UBE4B: variants seen among roughly 807,000 people sequenced by gnomAD.
UBE4B encodes the protein ubiquitination factor E4B.
In UBE4B, 27 loss-of-function variants were observed where a neutral mutation model predicts 148.1. That is an observed-to-expected ratio of 0.18 (90% confidence interval 0.13 to 0.25). The LOEUF is 0.25. UBE4B is among the 10% of genes least tolerant of loss of function. The pLI is 1.00. For synonymous variants in UBE4B, 596 were observed against 619.3 expected (o/e 0.96, Z 0.56); for missense variants, 1,170 against 1,662.4 (o/e 0.70, Z 5.15).
Position 10,179,304 on chromosome 1 carries a change from C to T in UBE4B, c.3701-112C>T. ...CTAAACCTGGGGGCCTCACAGGGGC[C>T]CTTTGATTGCTGTTCCTTTGGATAG... On this transcript the variant is annotated intron_variant, in intron 26 of 27. Coordinates refer to ENST00000343090, the MANE Select transcript of UBE4B (RefSeq NM_001105562.3). 3 of 1,387,810 alleles carry T rather than the reference C, an allele frequency of 2.2e-6. No homozygotes were observed. The East Asian group carries it at 7.0e-5, about 32-fold the overall frequency. 86.0% of individuals were successfully genotyped at this position (1,387,810 alleles called of 1,614,324 possible). A position where few individuals can be genotyped will look rare whatever the true frequency, so the allele number is the denominator to read the frequency against.
intron 23 of UBE4B, among the ~76,000 whole-genome samples, chr1:10,167,626 C>T (rs1454687586): frequency 3.8e-5 from 5 of 132,236 alleles, no homozygotes; most frequent in East Asian, 4.6e-4. Context: ...CGGAGTCTCA[C>T]TCTGTCACTA....
chr1:10,071,886 G>A (rs889387758), intron 1 of UBE4B, 142 bp from the exon 2 acceptor site: 35 of 791,646 alleles, frequency 4.4e-5, no homozygotes, highest in Admixed American at 7.8e-5. Context: ...CTGGTAGAGC[G>A]AGTTATTCTC....
At chr1:10,047,488 CTTTTTTTTTTT>C (rs952378949) in intron 1 of UBE4B, among the ~76,000 whole-genome samples, 2 of 116,028 alleles carry the variant, frequency 1.7e-5, no homozygotes, top group East Asian at 2.6e-4. Flanking sequence ...CTTCATATAT[CTTTTTTTTTTT>C]TTTTTTTTTT....
At chr1:10,072,323 T>G in intron 2 of UBE4B, 109 bp downstream of exon 2, 1 of 1,297,268 alleles carries the variant, frequency 7.7e-7, no homozygotes, top group Non-Finnish European at 1.1e-6. Context: ...AGACATCAGC[T>G]CTTTAAAATC....
intron 25 of UBE4B, among the ~76,000 whole-genome samples, chr1:10,175,368 A>G (rs1646401582): frequency 1.3e-5 from 2 of 152,146 alleles, no homozygotes; most frequent in South Asian, 4.1e-4. Flanking sequence ...ATAAAAAAAA[A>G]TAGCCGGGTG....
At chr1:10,087,140 A>AT (rs1221781638) in intron 2 of UBE4B, among the ~76,000 whole-genome samples, 1 of 152,176 alleles carries the variant, frequency 6.6e-6, no homozygotes, top group Non-Finnish European at 1.5e-5. Flanking sequence ...ACACGTTCAC[A>AT]TTGGTTTTTT....
At chr1:10,145,094 C>A in intron 18 of UBE4B, 55 bp downstream of exon 18, 1 of 1,421,736 alleles carries the variant, frequency 7.0e-7, no homozygotes, top group Non-Finnish European at 9.8e-7. Flanking sequence ...ATAATTTTCC[C>A]AACAGAATAT....
intron 11 of UBE4B, chr1:10,128,392 A>C (rs914992883): frequency 6.6e-6 from 1 of 152,252 alleles, no homozygotes; most frequent in African/African-American, 2.4e-5. Context: ...AGGAAGCGGA[A>C]GACTGTTGAA....
chr1:10,141,091 A>C (rs566875860), intron 17 of UBE4B, among the ~76,000 whole-genome samples: 14 of 152,306 alleles, frequency 9.2e-5, no homozygotes, highest in Admixed American at 9.2e-4. Flanking sequence ...GCATCCTCAG[A>C]ATCCATTCCC....
chr1:10,042,068 G>A (rs1251911000), intron 1 of UBE4B, among the ~76,000 whole-genome samples: 1 of 152,112 alleles, frequency 6.6e-6, no homozygotes, highest in Non-Finnish European at 1.5e-5. Context: ...TCGAGTATCT[G>A]GGATTACAGG....
intron 2 of UBE4B, among the ~76,000 whole-genome samples, chr1:10,083,503 T>C (rs1033252551): frequency 6.6e-6 from 1 of 152,232 alleles, no homozygotes; most frequent in Non-Finnish European, 1.5e-5. Flanking sequence ...AAGAATGCTA[T>C]CCACAATGAC....
intron 2 of UBE4B, among the ~76,000 whole-genome samples, chr1:10,088,683 TTTA>T (rs917002768): frequency 2.3e-4 from 34 of 147,870 alleles, no homozygotes; most frequent in African/African-American, 8.5e-4. Context: ...ATTTTATTAT[TTTA>T]TTATTATTTT....
At chr1:10,054,027 C>T (rs927905157) in intron 1 of UBE4B, among the ~76,000 whole-genome samples, 2 of 151,812 alleles carry the variant, frequency 1.3e-5, no homozygotes, top group African/African-American at 4.8e-5. Context: ...TTCATCAAAT[C>T]TTTTTTTGTT....
intron 3 of UBE4B, among the ~76,000 whole-genome samples, chr1:10,097,288 A>G (rs1429449119): frequency 6.6e-6 from 1 of 151,984 alleles, no homozygotes; most frequent in Non-Finnish European, 1.5e-5. Context: ...AAATGTATCT[A>G]GGATTGAAAT....
At chr1:10,052,462 C>T (rs962028423) in intron 1 of UBE4B, among the ~76,000 whole-genome samples, 16 of 152,222 alleles carry the variant, frequency 1.1e-4, no homozygotes, top group South Asian at 4.1e-4. Context: ...CTAAGATGTC[C>T]GGGTAGATCA....
At chr1:10,149,362 C>T (rs1042572344) in intron 20 of UBE4B, 80 bp downstream of exon 20, 5 of 1,163,660 alleles carry the variant, frequency 4.3e-6, no homozygotes, top group African/African-American at 3.2e-5. Context: ...TGTTGCAAAC[C>T]TCCATTTCAT....
intron 1 of UBE4B, among the ~76,000 whole-genome samples, chr1:10,061,644 T>C (rs1362736495): frequency 6.6e-6 from 1 of 152,088 alleles, no homozygotes; most frequent in East Asian, 1.9e-4. Flanking sequence ...CTTGAAAATC[T>C]TGAGGGAATT....
chr1:10,090,126 TG>T (rs111297331), intron 2 of UBE4B, among the ~76,000 whole-genome samples: 40,374 of 151,192 alleles, frequency 0.27, 8,596 homozygotes, highest in African/African-American at 0.59. Flanking sequence ...TGTGTGTGTG[TG>T]TTTTTTTTTT....
chr1:10,065,504 GT>G (rs1393573808), intron 1 of UBE4B, among the ~76,000 whole-genome samples: 2 of 152,202 alleles, frequency 1.3e-5, no homozygotes, highest in African/African-American at 4.8e-5. Context: ...TGCAGGGGTA[GT>G]TTCGGCCCTG....
Sources: gnomAD v4.1 joint callset for allele counts (sites outside exome capture counted in the v4.1 genomes callset) on GRCh38, gnomAD v4.1.1 for gene constraint, MANE v1.5 for transcripts, NCBI Gene and HGNC (gene_info 2026-07-23, HGNC 2026-07-21) for gene names.